PDE8B: variants seen among roughly 807,000 people sequenced by gnomAD.
The protein encoded by PDE8B is high affinity cAMP-specific and IBMX-insensitive 3',5'-cyclic phosphodiesterase 8B.
A neutral mutation model predicts 101.3 loss-of-function variants in PDE8B; 26 were observed. That is an observed-to-expected ratio of 0.26 (90% confidence interval 0.19 to 0.36). The LOEUF (loss-of-function observed/expected upper bound fraction) is 0.36. Ranked by LOEUF, PDE8B falls within the 10% of genes least tolerant of loss-of-function variation. PDE8B has a pLI of 1.00. For missense variants in PDE8B, 810 were observed against 1,163.1 expected, an observed-to-expected ratio of 0.70 and a Z score of 4.42; for synonymous variants, 424 against 429.3, an observed-to-expected ratio of 0.99 and a Z score of 0.15.
chr5:77,118,564 A>C, the PDE8B span: 7 of 394,428 alleles, frequency 1.8e-5, no homozygotes, highest in Non-Finnish European at 2.2e-5. Flanking sequence ...TTCTCTGCTT[A>C]TTTCTCAGAT....
chr5:77,278,460 A>G (rs1764262114), intron 1 of PDE8B, among the ~76,000 whole-genome samples: 1 of 152,128 alleles, frequency 6.6e-6, no homozygotes, highest in Admixed American at 6.6e-5. Context: ...GTTATTTTTT[A>G]AAGAGAGATA....
intron 1 of PDE8B, among the ~76,000 whole-genome samples, chr5:77,236,381 A>T (rs1754698510): frequency 6.6e-6 from 1 of 152,220 alleles, no homozygotes; most frequent in Admixed American, 6.5e-5. Context: ...GAGATCTAAG[A>T]ACTAGATTAA....
chr5:77,376,953 T>A (rs1350091939), intron 10 of PDE8B, among the ~76,000 whole-genome samples: 1 of 152,192 alleles, frequency 6.6e-6, no homozygotes, highest in Middle Eastern at 3.2e-3. Flanking sequence ...CTAGGAGGCA[T>A]GTGGGTTTAC....
chr5:77,272,941 A>G (rs1763089975), intron 1 of PDE8B, among the ~76,000 whole-genome samples: 1 of 152,204 alleles, frequency 6.6e-6, no homozygotes, highest in Non-Finnish European at 1.5e-5. Context: ...ATGTTTTGAT[A>G]TACCTATGCA....
intron 1 of PDE8B, among the ~76,000 whole-genome samples, chr5:77,256,183 C>T (rs935499753): frequency 2.6e-5 from 4 of 152,076 alleles, no homozygotes; most frequent in Admixed American, 6.6e-5. Context: ...AAACAATATG[C>T]GGGTATACAA....
chr5:77,279,112 G>A (rs1764439248), intron 1 of PDE8B, among the ~76,000 whole-genome samples: 1 of 152,090 alleles, frequency 6.6e-6, no homozygotes, highest in Non-Finnish European at 1.5e-5. Flanking sequence ...GTGATTATGT[G>A]GTGTTCTAAT....
chr5:77,165,606 C>T, the PDE8B span: 6 of 152,532 alleles, frequency 3.9e-5, no homozygotes, highest in South Asian at 1.0e-3. Flanking sequence ...AAAACCTTCT[C>T]CCTACTGGCA....
chr5:77,211,111 C>A lies in PDE8B; in HGVS notation c.186C>A (p.Pro62=), dbSNP rs763469000. 6.7e-7 allele frequency: 1 copy of A among 1,503,518 alleles called. No homozygotes were observed. Among genetic ancestry groups the A allele is most frequent in the South Asian group, 1.2e-5 (1 of 80,854 alleles). The allele number at this position is 1,503,518 out of a possible 1,614,324, so 93.1% of individuals were successfully genotyped here. A position where few individuals can be genotyped will look rare whatever the true frequency, so the allele number is the denominator to read the frequency against. ...CCCCGAGCCGCGCGTCGGGACCCCC[C>A]AGCGTAGCCCGCGTCCGCAGGGCCC... ...AIPPSRASGP[P]SVARVRRART... is the part of the protein sequence containing the mutation. The change falls in exon 1 of 22, where the codon CCC becomes CCA. Residue 62 remains proline (P), a synonymous_variant. Coordinates refer to ENST00000264917, the MANE Select transcript of PDE8B (RefSeq NM_003719.5). This position sits in a 1 kb window ranked among gnomAD's most constrained non-coding sequence, Gnocchi z 4.1.
chr5:77,340,348 T>C (rs1385125356), intron 6 of PDE8B, among the ~76,000 whole-genome samples: 1 of 152,238 alleles, frequency 6.6e-6, no homozygotes, highest in Non-Finnish European at 1.5e-5. Context: ...TATTCTCATA[T>C]GGGCTCTGCG....
At chr5:77,228,546 T>C (rs1330461984) in intron 1 of PDE8B, among the ~76,000 whole-genome samples, 1 of 152,000 alleles carries the variant, frequency 6.6e-6, no homozygotes, top group Non-Finnish European at 1.5e-5. Context: ...ACTTGGTGTG[T>C]AGCTGGGAGA....
chr5:77,347,040 G>A (rs933992071), intron 7 of PDE8B, among the ~76,000 whole-genome samples: 2 of 152,128 alleles, frequency 1.3e-5, no homozygotes, highest in African/African-American at 4.8e-5. Flanking sequence ...ACCTATCTGT[G>A]TCTGTCTATC....
At chr5:77,351,681 T>C (rs985257853) in intron 9 of PDE8B, among the ~76,000 whole-genome samples, 1 of 152,158 alleles carries the variant, frequency 6.6e-6, no homozygotes, top group African/African-American at 2.4e-5. Flanking sequence ...TGTGGAGAGA[T>C]AAGAAAAATA....
At chr5:77,101,017 T>C in the PDE8B span, among the ~76,000 whole-genome samples, 2 of 147,766 alleles carry the variant, frequency 1.4e-5, 1 homozygote, top group South Asian at 4.4e-4. Context: ...TTGCTCAGGC[T>C]GGAGTGCCAT....
chr5:77,418,262 C>G lies in PDE8B; in HGVS notation c.1945C>G (p.Leu649Val). The change falls in exon 18 of 22, where the codon CTC (leucine) becomes GTC (valine). Residue 649 changes from leucine (L) to valine (V), a missense_variant. Leu to Val is a conservative substitution (Grantham distance 32, BLOSUM62 1). This residue lies in a region of PDE8B where 325 missense variants were observed against 560.9 expected (regional missense o/e 0.58). Coordinates refer to ENST00000264917, the MANE Select transcript of PDE8B (RefSeq NM_003719.5). ...SLDQLDEVAA[L>V]IAATVHDVDH... ...CGATCAGTTGGATGAGGTGGCAGCC[C>G]TCATTGCTGCCACAGTCCATGACGT... 6.2e-7 allele frequency: 1 copy of G among 1,612,916 alleles called. No homozygotes were observed. The highest frequency in any genetic ancestry group is 8.5e-7 in the Non-Finnish European group (1 of 1,178,896).
the PDE8B span, among the ~76,000 whole-genome samples, chr5:77,111,241 G>A: frequency 6.6e-6 from 1 of 152,042 alleles, no homozygotes; most frequent in Non-Finnish European, 1.5e-5. Flanking sequence ...TGGGAAGATG[G>A]GGCTCATTCA....
At chr5:77,396,695 C>G (rs1791134217) in intron 10 of PDE8B, among the ~76,000 whole-genome samples, 1 of 152,066 alleles carries the variant, frequency 6.6e-6, no homozygotes, top group Non-Finnish European at 1.5e-5. Flanking sequence ...TTTAAATAGC[C>G]TCTAAACTAT....
rs577186512 is a variant in PDE8B, at chr5:77,329,688, T to C, written c.650+631T>C. Among the ~76,000 whole-genome samples, 4 of 152,350 alleles carry C rather than the reference T, an allele frequency of 2.6e-5. No individual in the cohort carries two copies. In the East Asian group the frequency reaches 7.7e-4, roughly 29 times the overall value. On this transcript the variant is annotated intron_variant, in intron 4 of 21. Coordinates refer to ENST00000264917, the MANE Select transcript of PDE8B (RefSeq NM_003719.5). ...AAAGAGCCAGCAGGAAGAAAAGTTGTCTGTGCAAGCTGCAGTGGTAGAAAT... is the reference window on the plus strand; with the variant it reads ...AAAGAGCCAGCAGGAAGAAAAGTTGCCTGTGCAAGCTGCAGTGGTAGAAAT...
At chr5:77,094,310 A>C in the PDE8B span, among the ~76,000 whole-genome samples, 2 of 152,000 alleles carry the variant, frequency 1.3e-5, no homozygotes, top group Non-Finnish European at 2.9e-5. Flanking sequence ...AAATGGGTAC[A>C]CTTTACATAC....
At position 77,404,393 on chromosome 5, in the gene PDE8B, G is replaced by T. The variant is rs190989190; in HGVS notation, c.1211-327G>T. Among the ~76,000 whole-genome samples the T allele has an allele frequency of 4.3e-3, 650 of 152,288 alleles. 3 individuals carry two copies. The highest frequency in any genetic ancestry group is 7.5e-3 in the Non-Finnish European group (507 of 68,022). On this transcript the variant is annotated intron_variant, in intron 11 of 21. Coordinates refer to ENST00000264917, the MANE Select transcript of PDE8B (RefSeq NM_003719.5). Reference sequence around the variant, plus strand: ...CCCGCCTGCCTCAGCCTCCCAAAGTGCTGGGATTACAGGTGTGAGGCCCTG... The same window carrying T: ...CCCGCCTGCCTCAGCCTCCCAAAGTTCTGGGATTACAGGTGTGAGGCCCTG...
Sources: allele counts gnomAD v4.1 joint callset (sites outside exome capture counted in the v4.1 genomes callset), GRCh38; gene constraint gnomAD v4.1.1; regional missense constraint gnomAD v4.1.1; non-coding constraint Gnocchi (gnomAD v3.1); transcripts MANE v1.5; gene names NCBI Gene and HGNC (gene_info 2026-07-23, HGNC 2026-07-21).